The following DYNC1I1 variants were observed in gnomAD, a reference collection of about 807,000 sequenced individuals.
DYNC1I1 encodes the protein cytoplasmic dynein 1 intermediate chain 1.
In DYNC1I1, 43 loss-of-function variants were observed where a neutral mutation model predicts 86.6. That is an observed-to-expected ratio of 0.50 (90% CI 0.39 to 0.64). DYNC1I1 has a LOEUF of 0.64. Ranked by LOEUF, DYNC1I1 falls within the 30% of genes least tolerant of loss-of-function variation. DYNC1I1 has a pLI of 0.00. For synonymous variants in DYNC1I1, 262 were observed against 283.7 expected (o/e 0.92, Z 0.77); for missense variants, 604 against 788.8 (o/e 0.77, Z 2.81).
intron 2 of DYNC1I1, among the ~76,000 whole-genome samples, chr7:95,805,261 T>A (rs537555041): frequency 3.5e-4 from 53 of 152,302 alleles, no homozygotes; most frequent in Non-Finnish European, 6.6e-4. Context: ...GTGTTAGTTT[T>A]AAGAAAAGGG....
chr7:95,806,217 A>C (rs1396163535), intron 2 of DYNC1I1, among the ~76,000 whole-genome samples: 1 of 152,214 alleles, frequency 6.6e-6, no homozygotes, highest in East Asian at 1.9e-4. Context: ...AGCACCTGCT[A>C]TCCTTTACTA....
intron 9 of DYNC1I1, among the ~76,000 whole-genome samples, chr7:95,993,588 C>G (rs934421764): frequency 1.1e-4 from 16 of 152,028 alleles, no homozygotes; most frequent in Admixed American, 5.2e-4. Flanking sequence ...TCTTAATAGG[C>G]CTTTGATTCA....
intron 6 of DYNC1I1, among the ~76,000 whole-genome samples, chr7:95,947,980 C>CTTTTTTTTTTT (rs35181190): frequency 9.4e-6 from 1 of 106,832 alleles, no homozygotes; most frequent in Non-Finnish European, 1.8e-5. Flanking sequence ...TTGTATGTGG[C>CTTTTTTTTTTT]TTTTTTTTTT....
At chr7:96,017,274 C>A (rs1247186141) in intron 10 of DYNC1I1, among the ~76,000 whole-genome samples, 1 of 152,048 alleles carries the variant, frequency 6.6e-6, no homozygotes, top group Non-Finnish European at 1.5e-5. Flanking sequence ...CAAAGGCAAC[C>A]ATATATTCAT....
intron 14 of DYNC1I1, among the ~76,000 whole-genome samples, chr7:96,051,046 A>T (rs765378353): frequency 2.5e-4 from 38 of 152,308 alleles, no homozygotes; most frequent in Non-Finnish European, 4.9e-4. Context: ...GGATTAAGAC[A>T]TTCATTATTC....
chr7:95,841,518 T>A (rs983991034), intron 5 of DYNC1I1, among the ~76,000 whole-genome samples: 3 of 152,162 alleles, frequency 2.0e-5, no homozygotes, highest in African/African-American at 7.2e-5. Context: ...AGACTCCAAG[T>A]GACCAGCGAA....
chr7:95,855,541 A>T (rs1448362833), intron 5 of DYNC1I1, among the ~76,000 whole-genome samples: 3 of 152,194 alleles, frequency 2.0e-5, no homozygotes, highest in African/African-American at 4.8e-5. Flanking sequence ...TGATGGAGAT[A>T]TGTTCTGAGA....
Position 95,814,487 on chromosome 7 carries a change from C to G in DYNC1I1, c.314+1150C>G, listed in dbSNP as rs143409473. On this transcript the variant is annotated intron_variant, in intron 4 of 16. Transcript: ENST00000447467. ...CCTTGTCTGTGTGCATTTCTTGCCT[C>G]CGTATGTATTACTGGGGCAAAGATA... Among the ~76,000 whole-genome samples the G allele has an allele frequency of 3.1e-4, 47 of 152,256 alleles. 1 individual carries two copies. The East Asian group carries it at 9.1e-3, about 29-fold the overall frequency.
At chr7:96,032,027 T>C (rs1167493432) in intron 11 of DYNC1I1, among the ~76,000 whole-genome samples, 1 of 152,170 alleles carries the variant, frequency 6.6e-6, no homozygotes, top group East Asian at 1.9e-4. Context: ...TCTATACTAC[T>C]GCAAACGGTA....
intron 6 of DYNC1I1, among the ~76,000 whole-genome samples, chr7:95,955,743 T>C (rs938554958): frequency 6.6e-5 from 10 of 152,174 alleles, no homozygotes; most frequent in African/African-American, 2.2e-4. Flanking sequence ...GAAAGCTCAA[T>C]TCAGGAAAAA....
At chr7:95,897,515 A>G (rs1347887599) in intron 6 of DYNC1I1, among the ~76,000 whole-genome samples, 1 of 152,104 alleles carries the variant, frequency 6.6e-6, no homozygotes, top group African/African-American at 2.4e-5. Flanking sequence ...CTTAAAGAGA[A>G]AGAGCCTATT....
At chr7:96,098,554 C>T (rs1791079027), downstream of DYNC1I1, 3 of 517,622 alleles carry the variant, frequency 5.8e-6, no homozygotes, top group South Asian at 8.4e-5. Context: ...AGCAGCCAAC[C>T]TGGCTGGACT....
chr7:96,067,196 G>A (rs1790017767), intron 14 of DYNC1I1, among the ~76,000 whole-genome samples: 1 of 152,076 alleles, frequency 6.6e-6, no homozygotes, highest in East Asian at 1.9e-4. Context: ...ACAGGCAAGA[G>A]GATTAACAAA....
intron 1 of DYNC1I1, among the ~76,000 whole-genome samples, chr7:95,785,775 G>GTGTGTGTATATATA (rs1317168531): frequency 8.0e-6 from 1 of 124,906 alleles, no homozygotes; most frequent in Non-Finnish European, 1.7e-5. Flanking sequence ...GTGTGTATGT[G>GTGTGTGTATATATA]TATATATATA....
At chr7:96,032,901 C>A in intron 12 of DYNC1I1, 121 bp downstream of exon 12, 1 of 753,138 alleles carries the variant, frequency 1.3e-6, no homozygotes, top group Non-Finnish European at 2.1e-6. Flanking sequence ...AATGGATGCA[C>A]TTGAAAGAGT....
intron 5 of DYNC1I1, among the ~76,000 whole-genome samples, chr7:95,855,232 A>AT (rs927571629): frequency 2.0e-5 from 3 of 151,738 alleles, no homozygotes; most frequent in East Asian, 1.9e-4. Context: ...TACTTTGCAG[A>AT]TTTTTTTTCC....
At chr7:95,968,137 G>T (rs527351067) in intron 6 of DYNC1I1, among the ~76,000 whole-genome samples, 1 of 151,974 alleles carries the variant, frequency 6.6e-6, no homozygotes, top group African/African-American at 2.4e-5. Context: ...GAGGTTAGAG[G>T]TAGGGAACAA....
chr7:96,063,183 G>T (rs540751706), intron 14 of DYNC1I1, among the ~76,000 whole-genome samples: 1 of 151,690 alleles, frequency 6.6e-6, no homozygotes, highest in South Asian at 2.1e-4. Flanking sequence ...CAATGGAGGC[G>T]CAATATAGCT....
chr7:96,009,853 C>T (rs1794231057), intron 10 of DYNC1I1, among the ~76,000 whole-genome samples: 1 of 151,768 alleles, frequency 6.6e-6, no homozygotes, highest in East Asian at 1.9e-4. Context: ...GATCTCGGCT[C>T]ACCACAACCT....
Sources: allele counts gnomAD v4.1 joint callset (sites outside exome capture counted in the v4.1 genomes callset), GRCh38; gene constraint gnomAD v4.1.1; transcripts MANE v1.5; gene names NCBI Gene and HGNC (gene_info 2026-07-23, HGNC 2026-07-21).